Variants in AMOTL1 observed in about 807,000 individuals in gnomAD.
AMOTL1 encodes angiomotin like 1, also known as angiomotin-like protein 1.
A neutral mutation model predicts 102.9 loss-of-function variants in AMOTL1; 45 were observed. That is an observed-to-expected ratio of 0.44 (90% confidence interval 0.34 to 0.56). The LOEUF (loss-of-function observed/expected upper bound fraction) is 0.56. Among genes scored for constraint, AMOTL1 ranks in the 20% least tolerant of loss-of-function variants. The pLI, the probability that AMOTL1 is intolerant of heterozygous loss-of-function variation, is 0.01. For synonymous variants in AMOTL1, 481 were observed against 484.7 expected (o/e 0.99, Z 0.10); for missense variants, 1,114 against 1,225.6 (o/e 0.91, Z 1.36).
intron 3 of AMOTL1, among the ~76,000 whole-genome samples, chr11:94,816,661 G>T (rs150987196): frequency 5.3e-5 from 8 of 151,622 alleles, no homozygotes; most frequent in African/African-American, 1.7e-4. Flanking sequence ...TCTATATTTT[G>T]CTTTTAAAGT....
intron 9 of AMOTL1, among the ~76,000 whole-genome samples, chr11:94,863,906 C>T (rs1952824180): frequency 6.6e-6 from 1 of 152,218 alleles, no homozygotes; most frequent in Non-Finnish European, 1.5e-5. Context: ...CCTCACTGCA[C>T]CCACCTCACC....
chr11:94,834,558 C>T (rs1207346604), intron 6 of AMOTL1, among the ~76,000 whole-genome samples: 1 of 151,982 alleles, frequency 6.6e-6, no homozygotes, highest in Non-Finnish European at 1.5e-5. Context: ...CGCCACTGCA[C>T]TCCAGCCTGG....
chr11:94,738,569 T>C (rs73525898), intron 2 of AMOTL1, among the ~76,000 whole-genome samples: 2 of 152,226 alleles, frequency 1.3e-5, no homozygotes, highest in Non-Finnish European at 2.9e-5. Context: ...ATTTTGTGCT[T>C]CTTCAATCAT....
At chr11:94,812,099 A>C (rs1565362986) in intron 3 of AMOTL1, among the ~76,000 whole-genome samples, 1 of 152,208 alleles carries the variant, frequency 6.6e-6, no homozygotes, top group Non-Finnish European at 1.5e-5. Context: ...GGCCTCAGCA[A>C]ATTGTCCTAT....
At chr11:94,856,680 G>C (rs971150711) in intron 8 of AMOTL1, among the ~76,000 whole-genome samples, 5 of 152,322 alleles carry the variant, frequency 3.3e-5, no homozygotes, top group Middle Eastern at 3.4e-3. Context: ...CTTCATCCCT[G>C]TGTCCAAGGC....
At chr11:94,707,907 A>G (rs141287462) in intron 1 of AMOTL1, among the ~76,000 whole-genome samples, 2 of 152,154 alleles carry the variant, frequency 1.3e-5, no homozygotes, top group African/African-American at 4.8e-5. Flanking sequence ...GCCGTTATCA[A>G]TTTTTTCTAG....
chr11:94,869,077 G>C, intron 11 of AMOTL1, 121 bp from the exon 12 acceptor site: 2 of 1,183,770 alleles, frequency 1.7e-6, no homozygotes, highest in Non-Finnish European at 2.3e-6. Context: ...TAAATGCTTG[G>C]GGAATGAATC....
At chr11:94,848,831 G>T (rs898150956) in intron 6 of AMOTL1, among the ~76,000 whole-genome samples, 1 of 152,160 alleles carries the variant, frequency 6.6e-6, no homozygotes, top group Non-Finnish European at 1.5e-5. Flanking sequence ...TTAGTGTGCT[G>T]CATTCTTTCT....
intron 1 of AMOTL1, among the ~76,000 whole-genome samples, chr11:94,717,509 T>C (rs1169122514): frequency 6.6e-6 from 1 of 151,722 alleles, no homozygotes; most frequent in Non-Finnish European, 1.5e-5. Context: ...GGAAATGACA[T>C]TTGGAAAAGA....
intron 1 of AMOTL1, among the ~76,000 whole-genome samples, chr11:94,772,785 C>T (rs1369676542): frequency 6.6e-6 from 1 of 152,140 alleles, no homozygotes; most frequent in African/African-American, 2.4e-5. Context: ...AAGAAATTGC[C>T]AAACTTTTCC....
intron 3 of AMOTL1, among the ~76,000 whole-genome samples, chr11:94,752,256 A>G (rs920794470): frequency 6.6e-6 from 1 of 151,432 alleles, no homozygotes; most frequent in Non-Finnish European, 1.5e-5. Context: ...AGTCAGTTGC[A>G]CCCTCCTCAG....
At chr11:94,739,860 C>G (rs1950491963) in intron 2 of AMOTL1, among the ~76,000 whole-genome samples, 1 of 152,176 alleles carries the variant, frequency 6.6e-6, no homozygotes, top group African/African-American at 2.4e-5. Flanking sequence ...TATCAGGCTA[C>G]TGACTCAGAG....
rs138638061 is a variant in AMOTL1, at chr11:94,795,027, T to C, written c.66T>C (p.Cys22=). ...TTCCCCCAGGGTCCCCTTCTGCTTG[T>C]TATAGCCCCAGTAGTCCTGTCCAGG... ...EPAVKGSPSA[C]YSPSSPVQVL... Residue 22 remains cysteine, a synonymous_variant, in exon 2 of 13, where the codon TGT becomes TGC. Coordinates refer to ENST00000433060, the MANE Select transcript of AMOTL1 (RefSeq NM_130847.3). The C allele has an allele frequency of 6.2e-7, 1 of 1,610,476 alleles. No individual in the cohort carries two copies. Among genetic ancestry groups the C allele is most frequent in the Non-Finnish European group, 8.5e-7 (1 of 1,178,934 alleles).
Position 94,799,564 on chromosome 11 carries a change from C to A in AMOTL1, c.374C>A (p.Ala125Asp), listed in dbSNP as rs368970970. Residue 125 changes from alanine to aspartate, a missense_variant, in exon 3 of 13, where the codon GCC (alanine) becomes GAC (aspartate). Physicochemically the swap from Ala to Asp is moderately radical, Grantham distance 126. Transcript: ENST00000433060. This position sits in a 1 kb window ranked among gnomAD's most constrained non-coding sequence, Gnocchi z 4.5. ...AACTTGCTGGCCATTCAGCACCAGG[C>A]CACAGGGAGTGCAGGACCAGCCCAT... ...NMNLLAIQHQ[A>D]TGSAGPAHPT... 3 of 1,613,608 alleles carry A rather than the reference C, an allele frequency of 1.9e-6. No individual in the cohort carries two copies. The highest frequency in any genetic ancestry group is 2.7e-5 in the African/African-American group (2 of 74,832).
At chr11:94,808,855 G>A (rs1387991279) in intron 3 of AMOTL1, among the ~76,000 whole-genome samples, 1 of 151,286 alleles carries the variant, frequency 6.6e-6, no homozygotes, top group Non-Finnish European at 1.5e-5. Flanking sequence ...AAAAAATTTA[G>A]TTAACCCATT....
intron 3 of AMOTL1, among the ~76,000 whole-genome samples, chr11:94,808,082 T>C (rs1404916920): frequency 5.1e-4 from 3 of 5,854 alleles, no homozygotes; most frequent in African/African-American, 2.4e-3. Context: ...ATAAGATAGC[T>C]ACAAAGACAA....
chr11:94,840,134 T>A (rs1952266771), intron 6 of AMOTL1, among the ~76,000 whole-genome samples: 4 of 152,166 alleles, frequency 2.6e-5, no homozygotes, highest in Admixed American at 2.6e-4. Context: ...TCTCAAAATG[T>A]CTGTGAAATC....
At chr11:94,774,633 G>A (rs769206644) in intron 1 of AMOTL1, among the ~76,000 whole-genome samples, 84 of 152,188 alleles carry the variant, frequency 5.5e-4, no homozygotes, top group Non-Finnish European at 1.1e-3. Context: ...TTGAAACATG[G>A]ATTGCTGGGC....
intron 1 of AMOTL1, among the ~76,000 whole-genome samples, chr11:94,709,042 T>C (rs947625211): frequency 1.5e-4 from 23 of 152,212 alleles, no homozygotes; most frequent in African/African-American, 4.8e-4. Flanking sequence ...CTTAAGGATG[T>C]GCAGATCAGT....
Sources: allele counts gnomAD v4.1 joint callset (sites outside exome capture counted in the v4.1 genomes callset), GRCh38; gene constraint gnomAD v4.1.1; non-coding constraint Gnocchi (gnomAD v3.1); transcripts MANE v1.5; gene names NCBI Gene and HGNC (gene_info 2026-07-23, HGNC 2026-07-21).